The following PTPRD variants were observed in gnomAD, a reference collection of about 807,000 sequenced individuals.
The protein encoded by PTPRD is receptor-type tyrosine-protein phosphatase delta.
In PTPRD, 34 loss-of-function variants were observed where a neutral mutation model predicts 214.5. The ratio of observed to expected loss-of-function variants is 0.16; its 90% confidence interval spans 0.12 to 0.21. The LOEUF (loss-of-function observed/expected upper bound fraction) is 0.21. Ranked by LOEUF, PTPRD falls within the 10% of genes least tolerant of loss-of-function variation. The pLI is 1.00. For synonymous variants in PTPRD, 1,128 were observed against 845.7 expected (o/e 1.33, Z -5.79); for missense variants, 2,545 against 2,398.7 (o/e 1.06, Z -1.27).
chr9:9,269,452 C>CA (rs71319209), intron 9 of PTPRD, among the ~76,000 whole-genome samples: 57,954 of 150,542 alleles, frequency 0.38, 11,190 homozygotes, highest in East Asian at 0.44. Flanking sequence ...GGAGGTTCCT[C>CA]AAAAAAAATA....
chr9:9,276,184 T>C (rs571285985), intron 9 of PTPRD, among the ~76,000 whole-genome samples: 1 of 151,436 alleles, frequency 6.6e-6, no homozygotes, highest in Non-Finnish European at 1.5e-5. Context: ...TTCATTTGAA[T>C]GAATTTTTTG....
chr9:8,591,484 C>A (rs866693573), intron 14 of PTPRD, among the ~76,000 whole-genome samples: 1 of 151,982 alleles, frequency 6.6e-6, no homozygotes, highest in African/African-American at 2.4e-5. Flanking sequence ...TTTTTATTGG[C>A]AGGTTGGATT....
intron 2 of PTPRD, among the ~76,000 whole-genome samples, chr9:10,398,382 T>A (rs1433548567): frequency 6.6e-6 from 1 of 151,362 alleles, no homozygotes; most frequent in Non-Finnish European, 1.5e-5. Flanking sequence ...TATATCTATA[T>A]CTATATCTAC....
At chr9:9,108,474 C>T (rs369813108) in intron 10 of PTPRD, among the ~76,000 whole-genome samples, 224 of 152,280 alleles carry the variant, frequency 1.5e-3, no homozygotes, top group African/African-American at 5.3e-3. Flanking sequence ...CAAATTCTTT[C>T]TCACTCTTAC....
At chr9:10,324,195 T>C (rs1260574791) in intron 3 of PTPRD, among the ~76,000 whole-genome samples, 1 of 152,084 alleles carries the variant, frequency 6.6e-6, no homozygotes, top group Non-Finnish European at 1.5e-5. Context: ...GCTTTCACAA[T>C]GGACTTGATC....
intron 9 of PTPRD, among the ~76,000 whole-genome samples, chr9:9,239,947 C>T (rs1382715197): frequency 6.6e-6 from 1 of 152,130 alleles, no homozygotes; most frequent in East Asian, 1.9e-4. Flanking sequence ...AATTGAGGAC[C>T]ATAACTATGT....
intron 35 of PTPRD, among the ~76,000 whole-genome samples, chr9:8,424,675 A>G (rs57703731): frequency 0.44 from 67,294 of 151,820 alleles, 15,565 homozygotes; most frequent in East Asian, 0.65. Context: ...AAAATAAAGA[A>G]GGGGACTGGG....
intron 4 of PTPRD, among the ~76,000 whole-genome samples, chr9:10,013,115 C>T (rs145487744): frequency 6.6e-6 from 1 of 151,954 alleles, no homozygotes; most frequent in Non-Finnish European, 1.5e-5. Context: ...ATTATTTCTA[C>T]CATGTTATGT....
intron 4 of PTPRD, among the ~76,000 whole-genome samples, chr9:9,995,941 C>A (rs1238791882): frequency 6.6e-6 from 1 of 152,154 alleles, no homozygotes; most frequent in African/African-American, 2.4e-5. Context: ...CCAAAACAAT[C>A]CATTTATTTC....
At chr9:10,155,236 G>C (rs886306009) in intron 3 of PTPRD, among the ~76,000 whole-genome samples, 1 of 151,906 alleles carries the variant, frequency 6.6e-6, no homozygotes, top group Non-Finnish European at 1.5e-5. Flanking sequence ...TTCCTGATTT[G>C]GTTCTCAGTT....
Position 8,339,044 on chromosome 9 carries a change from T to G in PTPRD, c.5257A>C (p.Lys1753Gln). 6.2e-7 allele frequency: 1 copy of G among 1,611,060 alleles called. No individual in the cohort carries two copies. The highest frequency in any genetic ancestry group is 8.5e-7 in the Non-Finnish European group (1 of 1,178,078). The change falls in exon 43 of 46, where the codon AAA (lysine) becomes CAA (glutamine). Residue 1753 changes from lysine (K) to glutamine (Q), a missense_variant. Transcript: ENST00000381196. Reference sequence around the variant, plus strand: ...TCTGCTGGCCAGTATTGGTGACATTTCTCCTAAAAGGAGAGAAGATTAATG... The same window carrying G: ...TCTGCTGGCCAGTATTGGTGACATTGCTCCTAAAAGGAGAGAAGATTAATG... ...LTKLREMGRE[K>Q]CHQYWPAERS...
At chr9:8,939,138 G>A (rs1465547253) in intron 11 of PTPRD, among the ~76,000 whole-genome samples, 2 of 152,168 alleles carry the variant, frequency 1.3e-5, no homozygotes, top group African/African-American at 2.4e-5. Context: ...TAATGAGAAT[G>A]ATAATGTCAT....
intron 5 of PTPRD, among the ~76,000 whole-genome samples, chr9:9,810,267 T>C (rs1243493181): frequency 6.6e-6 from 1 of 152,140 alleles, no homozygotes; most frequent in Non-Finnish European, 1.5e-5. Flanking sequence ...AATCAACTGC[T>C]TGTGTTATTG....
chr9:9,392,834 G>T (rs1488671319), intron 9 of PTPRD, among the ~76,000 whole-genome samples: 1 of 151,986 alleles, frequency 6.6e-6, no homozygotes, highest in Non-Finnish European at 1.5e-5. Context: ...TCTCCTCAGG[G>T]AGGGAATATA....
At chr9:10,035,238 T>G (rs2097157540) in intron 3 of PTPRD, among the ~76,000 whole-genome samples, 1 of 152,172 alleles carries the variant, frequency 6.6e-6, no homozygotes, top group African/African-American at 2.4e-5. Flanking sequence ...GTTGGCCGCA[T>G]GTAGGTCTTC....
intron 11 of PTPRD, among the ~76,000 whole-genome samples, chr9:8,751,215 G>C (rs1205014134): frequency 6.6e-6 from 1 of 151,920 alleles, no homozygotes; most frequent in Non-Finnish European, 1.5e-5. Flanking sequence ...CTCTTCCATA[G>C]AGCAGTTTAA....
chr9:10,061,460 ACATCT>A (rs1342489159), intron 3 of PTPRD, among the ~76,000 whole-genome samples: 1 of 152,060 alleles, frequency 6.6e-6, no homozygotes, highest in African/African-American at 2.4e-5. Flanking sequence ...CACATCACAC[ACATCT>A]CATAATTGTC....
At chr9:8,653,493 T>C (rs1001363717) in intron 12 of PTPRD, among the ~76,000 whole-genome samples, 3 of 152,206 alleles carry the variant, frequency 2.0e-5, no homozygotes, top group African/African-American at 7.2e-5. Flanking sequence ...CCAGTGGTCC[T>C]GAACCCTTTA....
intron 9 of PTPRD, among the ~76,000 whole-genome samples, chr9:9,327,904 T>A (rs1206507335): frequency 1.4e-5 from 2 of 142,850 alleles, no homozygotes; most frequent in African/African-American, 2.6e-5. Flanking sequence ...GTTGATGAGC[T>A]AAAAAAAAAA....
Sources: gnomAD v4.1 joint callset for allele counts (sites outside exome capture counted in the v4.1 genomes callset) on GRCh38, gnomAD v4.1.1 for gene constraint, MANE v1.5 for transcripts, NCBI Gene and HGNC (gene_info 2026-07-23, HGNC 2026-07-21) for gene names.